Variants in GRID2 observed in about 807,000 individuals in gnomAD.
GRID2 encodes the protein glutamate ionotropic receptor delta type subunit 2, also known as glutamate receptor ionotropic, delta-2.
Under a neutral mutation model 114.8 loss-of-function variants are expected in GRID2, and 33 were observed. The observed-to-expected ratio is 0.29, with a 90% CI of 0.22 to 0.38. GRID2 has a LOEUF of 0.38. Among genes scored for constraint, GRID2 ranks in the 10% least tolerant of loss-of-function variants. GRID2 has a pLI of 1.00. For missense variants in GRID2, 1,184 were observed against 1,257.7 expected (o/e 0.94, Z 0.89); for synonymous variants, 505 against 449.9 (o/e 1.12, Z -1.55).
intron 14 of GRID2, among the ~76,000 whole-genome samples, chr4:93,734,266 A>G (rs1730735896): frequency 6.6e-6 from 1 of 152,028 alleles, no homozygotes; most frequent in Admixed American, 6.6e-5. Context: ...CTTCCCCATC[A>G]TTCCTAATTC....
chr4:93,184,258 T>TGC (rs1204394915), intron 4 of GRID2, among the ~76,000 whole-genome samples: 1 of 152,112 alleles, frequency 6.6e-6, no homozygotes, highest in Non-Finnish European at 1.5e-5. Context: ...AGAATGGCTT[T>TGC]GCTTGGCTCT....
intron 8 of GRID2, among the ~76,000 whole-genome samples, chr4:93,392,821 T>TCAAAAAAAAAAAAAA: frequency 6.6e-6 from 1 of 152,092 alleles, no homozygotes; most frequent in East Asian, 1.9e-4. Flanking sequence ...TGAAAAATGC[T>TCAAAAAAAAAAAAAA]GTATCTGGAC....
chr4:92,676,637 A>T (rs949944712), intron 2 of GRID2, among the ~76,000 whole-genome samples: 3 of 152,082 alleles, frequency 2.0e-5, no homozygotes, highest in African/African-American at 7.2e-5. Context: ...GTAAGATAAG[A>T]TCCCCATATT....
At chr4:92,756,612 C>T (rs558632490) in intron 2 of GRID2, among the ~76,000 whole-genome samples, 3 of 152,052 alleles carry the variant, frequency 2.0e-5, no homozygotes, top group African/African-American at 7.2e-5. Context: ...GTATTAATGT[C>T]TTTTTGATAA....
chr4:93,025,439 T>C (rs1723791582), intron 2 of GRID2, among the ~76,000 whole-genome samples: 1 of 151,722 alleles, frequency 6.6e-6, no homozygotes, highest in Admixed American at 6.6e-5. Context: ...CTCCTCAACC[T>C]ATGATGTGTA....
intron 14 of GRID2, among the ~76,000 whole-genome samples, chr4:93,721,368 G>A (rs978131183): frequency 5.3e-5 from 8 of 152,182 alleles, no homozygotes; most frequent in Non-Finnish European, 1.2e-4. Flanking sequence ...GAATTGGGTG[G>A]TTAGAATTTG....
chr4:93,416,789 T>C (rs1389075936), intron 9 of GRID2, among the ~76,000 whole-genome samples: 1 of 152,106 alleles, frequency 6.6e-6, no homozygotes, highest in Non-Finnish European at 1.5e-5. Flanking sequence ...AGTTATTATC[T>C]AATAACCCAA....
At chr4:92,537,858 TTAG>T (rs1725731125) in intron 1 of GRID2, among the ~76,000 whole-genome samples, 1 of 149,350 alleles carries the variant, frequency 6.7e-6, no homozygotes, top group Non-Finnish European at 1.5e-5. Context: ...ACCCAGAGAA[TTAG>T]TAGTAATAAA....
chr4:92,364,230 A>C (rs1318976791), intron 1 of GRID2, among the ~76,000 whole-genome samples: 1 of 152,056 alleles, frequency 6.6e-6, no homozygotes, highest in Non-Finnish European at 1.5e-5. Context: ...GCCTCTGCAA[A>C]AGTTAGCATG....
chr4:92,877,374 C>T (rs1394362755), intron 2 of GRID2, among the ~76,000 whole-genome samples: 1 of 152,140 alleles, frequency 6.6e-6, no homozygotes, highest in Non-Finnish European at 1.5e-5. Context: ...ACAGAAAACT[C>T]TCAGTAATTT....
chr4:92,620,561 A>C (rs1164418351), intron 2 of GRID2, among the ~76,000 whole-genome samples: 1 of 151,738 alleles, frequency 6.6e-6, no homozygotes, highest in Non-Finnish European at 1.5e-5. Context: ...CATAGAAGGA[A>C]AGACAGATAT....
chr4:92,854,807 A>T (rs533471894), intron 2 of GRID2, among the ~76,000 whole-genome samples: 18 of 152,040 alleles, frequency 1.2e-4, no homozygotes, highest in Admixed American at 7.2e-4. Context: ...AAAGGGGAAA[A>T]TTTTTTAAAT....
At chr4:93,077,429 T>C (rs1729436335) in intron 2 of GRID2, among the ~76,000 whole-genome samples, 1 of 152,220 alleles carries the variant, frequency 6.6e-6, no homozygotes, top group Admixed American at 6.5e-5. Flanking sequence ...TTTTATGGGA[T>C]ATAATTTTCT....
intron 2 of GRID2, among the ~76,000 whole-genome samples, chr4:93,059,227 T>C (rs1727552932): frequency 6.6e-6 from 1 of 152,148 alleles, no homozygotes; most frequent in South Asian, 2.1e-4. Flanking sequence ...AAAATGTTAA[T>C]ATTCCAATCT....
At chr4:92,393,453 A>T (rs776001374) in intron 1 of GRID2, among the ~76,000 whole-genome samples, 1 of 152,144 alleles carries the variant, frequency 6.6e-6, no homozygotes, top group African/African-American at 2.4e-5. Flanking sequence ...TATTTCCTAA[A>T]CTTCCCTGCA....
chr4:92,313,221 T>C lies in GRID2; in HGVS notation c.88+8477T>C, dbSNP rs191858016. ...GAGACTATTATTCTAAGTGAAGTAA[T>C]TCAGGAATGGAAAACTAAACATTGT... On this transcript the variant is annotated intron_variant, in intron 1 of 15. Transcript: ENST00000282020. Among the ~76,000 whole-genome samples the C allele has an allele frequency of 1.2e-3, 180 of 152,092 alleles. 2 individuals are homozygous for C. The highest frequency in any genetic ancestry group is 4.1e-3 in the African/African-American group (171 of 41,482).
chr4:93,106,564 C>A (rs1732254390), intron 3 of GRID2, among the ~76,000 whole-genome samples: 2 of 152,130 alleles, frequency 1.3e-5, no homozygotes, highest in African/African-American at 4.8e-5. Context: ...CTCAGGCAAT[C>A]CACCTGCCTT....
At chr4:92,506,053 T>C (rs34888407) in intron 1 of GRID2, among the ~76,000 whole-genome samples, 8,688 of 152,108 alleles carry the variant, frequency 0.057, 277 homozygotes, top group East Asian at 0.084. Context: ...AATGTATATA[T>C]TGAATTCATG....
intron 8 of GRID2, among the ~76,000 whole-genome samples, chr4:93,338,744 A>G (rs1759339604): frequency 6.6e-6 from 1 of 152,046 alleles, no homozygotes; most frequent in Non-Finnish European, 1.5e-5. Context: ...TCAGTTCTAT[A>G]CATTATCTTC....
Sources: gnomAD v4.1 joint callset for allele counts (sites outside exome capture counted in the v4.1 genomes callset) on GRCh38, gnomAD v4.1.1 for gene constraint, MANE v1.5 for transcripts, NCBI Gene and HGNC (gene_info 2026-07-23, HGNC 2026-07-21) for gene names.